The following ZNF226 variants were observed in gnomAD, a reference collection of about 807,000 sequenced individuals.
The protein encoded by ZNF226 is zinc finger protein 226.
In ZNF226, 6 loss-of-function variants were observed where a neutral mutation model predicts 11.4. The ratio of observed to expected loss-of-function variants is 0.53; its 90% confidence interval spans 0.29 to 1.04. The LOEUF (loss-of-function observed/expected upper bound fraction) is 1.04, where lower values mean the gene tolerates loss of function less well. ZNF226 is among the 50% of genes least tolerant of loss of function. The probability of loss-of-function intolerance (pLI) is 0.08; values close to 1 mark genes in which losing one functional copy is unlikely to be tolerated. For synonymous variants in ZNF226, 350 were observed against 322.8 expected, an observed-to-expected ratio of 1.08 and a Z score of -0.90; for missense variants, 1,058 against 956.5, an observed-to-expected ratio of 1.11 and a Z score of -1.40.
At chr19:44,179,704 GTGCT>G (rs1970877890), downstream of ZNF226, among the ~76,000 whole-genome samples, 1 of 152,136 alleles carries the variant, frequency 6.6e-6, no homozygotes, top group Non-Finnish European at 1.5e-5. Flanking sequence ...GTCTTTTCAA[GTGCT>G]TGGTCTGATT....
At chr19:44,173,099 C>A in intron 5 of ZNF226, 147 bp downstream of exon 5, 3 of 665,346 alleles carry the variant, frequency 4.5e-6, no homozygotes, top group Non-Finnish European at 7.8e-6. Context: ...CCTGCTCCCA[C>A]CCCTCTCCTC....
chr19:44,188,341 T>C, the ZNF226 span, among the ~76,000 whole-genome samples: 1 of 152,234 alleles, frequency 6.6e-6, no homozygotes, highest in Non-Finnish European at 1.5e-5. Flanking sequence ...CCTCTGTATC[T>C]GCAGGTTCTG....
At position 44,172,942 on chromosome 19, in the gene ZNF226, G is replaced by A; in HGVS notation, c.225G>A (p.Gln75=). 1 of 1,596,758 alleles carries A rather than the reference G, an allele frequency of 6.3e-7. No homozygotes were observed. ...TAATGACGACAGCAACCCGAAGACA[G>A]GGAAATTTAGGTAAAAACCAAACAG... The part of the protein sequence containing the change: ...LWIMTTATRR[Q]GNLGEKNQSK... The change falls in exon 5 of 6, where the codon CAG becomes CAA. Residue 75 remains glutamine (Q), a synonymous_variant. Transcript: ENST00000337433.
chr19:44,190,080 A>G, the ZNF226 span, among the ~76,000 whole-genome samples: 2 of 152,214 alleles, frequency 1.3e-5, no homozygotes, highest in Non-Finnish European at 2.9e-5. Context: ...CAGAACTACA[A>G]TCTAATAACA....
intron 4 of ZNF226, chr19:44,172,476 A>G (rs549853851): frequency 2.5e-6 from 1 of 403,694 alleles, no homozygotes; most frequent in Non-Finnish European, 4.3e-6. Context: ...GTATTGAATT[A>G]TAAAACCAAC....
the ZNF226 span, among the ~76,000 whole-genome samples, chr19:44,195,432 A>G: frequency 1.3e-5 from 2 of 152,216 alleles, no homozygotes; most frequent in Non-Finnish European, 2.9e-5. Flanking sequence ...TAAATAGCAG[A>G]CACAGAGAGA....
At position 44,177,561 on chromosome 19, in the gene ZNF226, C is replaced by T. The variant is rs375381551; in HGVS notation, c.2299C>T (p.Arg767Ter). The T allele has an allele frequency of 1.5e-5, 25 of 1,613,730 alleles. No homozygotes were observed. The East Asian group carries it at 2.7e-4, about 17-fold the overall frequency. The change falls in exon 6 of 6, where the codon CGA becomes TGA. Residue 767 changes from arginine (R) to a stop codon, truncating the protein, a stop_gained. Transcript: ENST00000337433. LOFTEE classifies it low-confidence loss of function (END_TRUNC). ...CEICGKSFSW[R>*]SNLTVHHRIH... ...GATATGTGGTAAGAGCTTCAGTTGG[C>T]GATCAAATCTTACAGTTCATCACAG...
At position 44,177,470 on chromosome 19, in the gene ZNF226, C is replaced by G; in HGVS notation, c.2208C>G (p.Phe736Leu). Residue 736 changes from phenylalanine to leucine, a missense_variant, in exon 6 of 6, where the codon TTC becomes TTG. Physicochemically the swap from Phe to Leu is conservative, Grantham distance 22. Coordinates refer to ENST00000337433, the MANE Select transcript of ZNF226 (RefSeq NM_001032373.2). Reference sequence around the variant, plus strand: ...AATGTGATGTGTGTGGTAAAGTCTTCAGTCGGTCTTCACAACTACAGTCTC... The same window carrying G: ...AATGTGATGTGTGTGGTAAAGTCTTGAGTCGGTCTTCACAACTACAGTCTC... ...PYKCDVCGKV[F>L]SRSSQLQSHQ... 3.7e-6 allele frequency: 6 copies of G among 1,614,178 alleles called. No homozygotes were observed. Among genetic ancestry groups the G allele is most frequent in the Non-Finnish European group, 5.1e-6 (6 of 1,180,032 alleles).
chr19:44,172,169 T>C lies in ZNF226; in HGVS notation c.97T>C (p.Tyr33His), dbSNP rs1970175178. 1 of 1,612,894 alleles carries C rather than the reference T, an allele frequency of 6.2e-7. No individual in the cohort carries two copies. The highest frequency in any genetic ancestry group is 1.3e-5 in the African/African-American group (1 of 74,908). ...GLLGPAQRKL[Y>H]RDVMVENFRN... ...GCTGGGCCCTGCCCAGAGGAAGCTGTACCGAGATGTGATGGTGGAGAACTT... is the reference window on the plus strand; with the variant it reads ...GCTGGGCCCTGCCCAGAGGAAGCTGCACCGAGATGTGATGGTGGAGAACTT... Residue 33 changes from tyrosine (Y) to histidine (H), a missense_variant, in exon 4 of 6, where the codon TAC (tyrosine) becomes CAC (histidine). Physicochemically the swap from Tyr to His is moderately conservative, Grantham distance 83. Coordinates refer to ENST00000337433, the MANE Select transcript of ZNF226 (RefSeq NM_001032373.2).
At chr19:44,188,518 G>A in the ZNF226 span, among the ~76,000 whole-genome samples, 11 of 152,166 alleles carry the variant, frequency 7.2e-5, no homozygotes, top group Admixed American at 5.9e-4. Context: ...AAATAGCCCA[G>A]AGATGATTTA....
rs1284610477 is a variant in ZNF226, at chr19:44,176,124, G to A, written c.862G>A (p.Gly288Ser). ...TCTTACATGTGTTGAGCGTGGAAAA[G>A]GCTTCTGTTACAGCCCAGTTCTTCC... is the stretch of plus-strand genomic sequence containing the variant. ...KSLTCVERGK[G>S]FCYSPVLPVH... Residue 288 changes from glycine (G) to serine (S), a missense_variant, in exon 6 of 6, where the codon GGC becomes AGC. By Grantham distance (56) the Gly-to-Ser change is moderately conservative. Coordinates refer to ENST00000337433, the MANE Select transcript of ZNF226 (RefSeq NM_001032373.2). 3 of 1,614,028 alleles carry A rather than the reference G, an allele frequency of 1.9e-6. No individual in the cohort carries two copies. Among genetic ancestry groups the A allele is most frequent in the East Asian group, 2.2e-5 (1 of 44,892 alleles).
At chr19:44,179,686 A>G (rs1337305969), downstream of ZNF226, among the ~76,000 whole-genome samples, 2 of 152,198 alleles carry the variant, frequency 1.3e-5, no homozygotes, top group African/African-American at 2.4e-5. Context: ...AACCCAGGGC[A>G]CTGGCTTGTC....
chr19:44,173,027 C>T (rs1970286290), intron 5 of ZNF226, 75 bp downstream of exon 5: 1 of 1,387,808 alleles, frequency 7.2e-7, no homozygotes, highest in Admixed American at 2.0e-5. Flanking sequence ...TTGTTGCCAT[C>T]ACCTGGTCCA....
chr19:44,168,284 A>C (rs1165646038), intron 2 of ZNF226, among the ~76,000 whole-genome samples: 1 of 150,624 alleles, frequency 6.6e-6, no homozygotes, highest in East Asian at 1.9e-4. Flanking sequence ...CAACTTTGTC[A>C]TACTTATATT....
chr19:44,171,633 G>A (rs1244684348), intron 3 of ZNF226, among the ~76,000 whole-genome samples: 3 of 152,296 alleles, frequency 2.0e-5, no homozygotes, highest in South Asian at 2.1e-4. Context: ...CTAAAGATCC[G>A]GGATCAGTGT....
intron 4 of ZNF226, 93 bp downstream of exon 4, chr19:44,172,307 C>T: frequency 2.7e-6 from 4 of 1,489,366 alleles, no homozygotes; most frequent in Non-Finnish European, 3.6e-6. Flanking sequence ...GGGAATCTGA[C>T]TTTCCTAATT....
At chr19:44,182,823 T>C (rs2122548838), downstream of ZNF226, among the ~76,000 whole-genome samples, 1 of 152,272 alleles carries the variant, frequency 6.6e-6, no homozygotes, top group Middle Eastern at 3.4e-3. Context: ...TTATCAGAGA[T>C]CTTTGCATTT....
At chr19:44,184,135 C>T in the ZNF226 span, among the ~76,000 whole-genome samples, 3 of 152,064 alleles carry the variant, frequency 2.0e-5, no homozygotes, top group Admixed American at 1.3e-4. Flanking sequence ...ATTTACTGCC[C>T]GGCTCTTTAC....
chr19:44,172,000 T>G, intron 3 of ZNF226, 88 bp from the exon 4 acceptor site: 1 of 1,546,008 alleles, frequency 6.5e-7, no homozygotes, highest in East Asian at 2.4e-5. Context: ...CGGCTGGGCA[T>G]CCAGAACAAC....
Sources: allele counts gnomAD v4.1 joint callset (sites outside exome capture counted in the v4.1 genomes callset), GRCh38; gene constraint gnomAD v4.1.1; transcripts MANE v1.5; gene names NCBI Gene and HGNC (gene_info 2026-07-23, HGNC 2026-07-21).